KDM1A: variants seen among roughly 807,000 people sequenced by gnomAD.
The protein encoded by KDM1A is lysine demethylase 1A.
KDM1A carries 49 observed loss-of-function variants against 109.4 expected under a neutral mutation model. The ratio of observed to expected loss-of-function variants is 0.45; its 90% CI spans 0.36 to 0.57. The LOEUF (loss-of-function observed/expected upper bound fraction) is 0.57, where lower values mean the gene tolerates loss of function less well. Among genes scored for constraint, KDM1A ranks in the 20% least tolerant of loss-of-function variants. KDM1A has a pLI of 0.00. For synonymous variants in KDM1A, 380 were observed against 415.4 expected, an observed-to-expected ratio of 0.91 and a Z score of 1.04; for missense variants, 668 against 1,116.6, an observed-to-expected ratio of 0.60 and a Z score of 5.73.
intron 4 of KDM1A, 121 bp from the exon 5 acceptor site, chr1:23,053,640 C>T: frequency 1.5e-6 from 1 of 687,594 alleles, no homozygotes; most frequent in Non-Finnish European, 2.6e-6. Flanking sequence ...TCCACCTCAG[C>T]CTCCCAAACT....
chr1:23,043,266 G>A (rs1419973755), intron 2 of KDM1A, among the ~76,000 whole-genome samples: 4 of 152,086 alleles, frequency 2.6e-5, no homozygotes, highest in Non-Finnish European at 4.4e-5. Context: ...TAACCTTCTT[G>A]AACCTAAAGG....
chr1:23,072,153 A>G lies in KDM1A; in HGVS notation c.1578A>G (p.Gly526=). 2 of 1,611,304 alleles carry G rather than the reference A, an allele frequency of 1.2e-6. No individual in the cohort carries two copies. The highest frequency in any genetic ancestry group is 1.7e-6 in the Non-Finnish European group (2 of 1,178,514). The change falls in exon 14 of 21, where the codon GGA becomes GGG. Residue 526 remains glycine (G), a synonymous_variant. Transcript: ENST00000400181. The part of the protein sequence containing the change: ...KEYDELAETQ[G]KLEEKLQELE... Reference sequence around the variant, plus strand: ...ATGATGAATTAGCTGAAACACAAGGAAAGCTAGAAGAAAAACTTCAGGAGT... The same window carrying G: ...ATGATGAATTAGCTGAAACACAAGGGAAGCTAGAAGAAAAACTTCAGGAGT...
chr1:23,063,196 T>TG (rs369708466), intron 9 of KDM1A, among the ~76,000 whole-genome samples: 1,175 of 39,352 alleles, frequency 0.03, 159 homozygotes, highest in Non-Finnish European at 0.044. Context: ...GCTGTAGCAT[T>TG]GGGGGGGGGG....
chr1:23,052,727 T>C (rs1642708513), intron 4 of KDM1A, among the ~76,000 whole-genome samples: 1 of 152,224 alleles, frequency 6.6e-6, no homozygotes, highest in African/African-American at 2.4e-5. Flanking sequence ...TTGGATTTGA[T>C]AACTCAGTAT....
At chr1:23,050,222 A>ATAAC (rs1642626492) in intron 3 of KDM1A, among the ~76,000 whole-genome samples, 165 bp from the exon 4 acceptor site, 1 of 152,236 alleles carries the variant, frequency 6.6e-6, no homozygotes, top group South Asian at 2.1e-4. Context: ...TGGAATGTTA[A>ATAAC]GCTCAAATAA....
At chr1:23,058,676 A>G (rs1019836496) in intron 8 of KDM1A, among the ~76,000 whole-genome samples, 2 of 152,210 alleles carry the variant, frequency 1.3e-5, no homozygotes, top group South Asian at 2.1e-4. Context: ...GCAGAACATT[A>G]GAAACCACAG....
At chr1:23,072,017 A>G in intron 13 of KDM1A, 107 bp from the exon 14 acceptor site, 2 of 712,628 alleles carry the variant, frequency 2.8e-6, no homozygotes, top group Admixed American at 5.1e-5. Context: ...CTTCCTGTAC[A>G]TGATCTGAAG....
intron 2 of KDM1A, among the ~76,000 whole-genome samples, chr1:23,041,183 A>G (rs1642319719): frequency 6.6e-6 from 1 of 152,204 alleles, no homozygotes; most frequent in African/African-American, 2.4e-5. Context: ...ACTGCTAGTA[A>G]AGATGATCTT....
chr1:23,067,735 A>G (rs939130709), intron 10 of KDM1A, among the ~76,000 whole-genome samples: 5 of 152,222 alleles, frequency 3.3e-5, no homozygotes, highest in African/African-American at 7.2e-5. Flanking sequence ...AGGATTGCAG[A>G]TACAGTTTAC....
At chr1:23,053,578 G>A (rs939454319) in intron 4 of KDM1A, among the ~76,000 whole-genome samples, 183 bp from the exon 5 acceptor site, 1 of 152,008 alleles carries the variant, frequency 6.6e-6, no homozygotes, top group African/African-American at 2.4e-5. Flanking sequence ...TTGAGATGGG[G>A]TCTCACTATA....
chr1:23,057,317 A>G (rs1171769065), intron 7 of KDM1A, among the ~76,000 whole-genome samples, 167 bp from the exon 8 acceptor site: 2 of 152,234 alleles, frequency 1.3e-5, no homozygotes, highest in Non-Finnish European at 2.9e-5. Context: ...ATAGTCTTCA[A>G]GTTAAACTTC....
intron 14 of KDM1A, among the ~76,000 whole-genome samples, chr1:23,072,892 G>C (rs938287719): frequency 6.6e-6 from 1 of 152,056 alleles, no homozygotes; most frequent in Non-Finnish European, 1.5e-5. Flanking sequence ...CACCTGCCTC[G>C]ACCTCCCAAA....
At chr1:23,061,840 G>T (rs1239606999) in intron 9 of KDM1A, among the ~76,000 whole-genome samples, 2 of 151,962 alleles carry the variant, frequency 1.3e-5, no homozygotes, top group Non-Finnish European at 2.9e-5. Flanking sequence ...TGTATTTTTA[G>T]TACAGACAGG....
chr1:23,081,801 T>G, intron 19 of KDM1A: 1 of 517,526 alleles, frequency 1.9e-6, no homozygotes, highest in Non-Finnish European at 3.4e-6. Context: ...TCCTCCGGCT[T>G]TAGAGTCACA....
At chr1:23,028,175 A>G (rs1037364699) in intron 1 of KDM1A, among the ~76,000 whole-genome samples, 5 of 152,166 alleles carry the variant, frequency 3.3e-5, no homozygotes, top group Admixed American at 6.5e-5. Context: ...TTTTTGAGAC[A>G]GGGTCTGTCT....
At chr1:23,065,423 C>T (rs1643133968) in intron 9 of KDM1A, among the ~76,000 whole-genome samples, 1 of 152,080 alleles carries the variant, frequency 6.6e-6, no homozygotes, top group Non-Finnish European at 1.5e-5. Flanking sequence ...TATTGATTTC[C>T]TAAGGGACAA....
intron 16 of KDM1A, among the ~76,000 whole-genome samples, chr1:23,078,135 T>C (rs1441818323): frequency 6.6e-6 from 1 of 152,162 alleles, no homozygotes; most frequent in Non-Finnish European, 1.5e-5. Flanking sequence ...TTCCTTGGAG[T>C]TACTGAGATC....
chr1:23,058,414 C>G (rs1012573064), intron 8 of KDM1A, among the ~76,000 whole-genome samples: 3 of 152,192 alleles, frequency 2.0e-5, no homozygotes, highest in Non-Finnish European at 2.9e-5. Flanking sequence ...AGGACAAGTA[C>G]AAAGAACCCC....
chr1:23,054,607 G>GT (rs950770832), intron 5 of KDM1A, among the ~76,000 whole-genome samples: 2 of 151,928 alleles, frequency 1.3e-5, no homozygotes, highest in Non-Finnish European at 2.9e-5. Flanking sequence ...CTAATTCTTT[G>GT]TTTTTTTGTA....
Sources: gnomAD v4.1 joint callset for allele counts (sites outside exome capture counted in the v4.1 genomes callset) on GRCh38, gnomAD v4.1.1 for gene constraint, MANE v1.5 for transcripts, NCBI Gene and HGNC (gene_info 2026-07-23, HGNC 2026-07-21) for gene names.